ETV6: variants seen among roughly 807,000 people sequenced by gnomAD.
The protein encoded by ETV6 is ETS variant transcription factor 6, also known as transcription factor ETV6.
Under a neutral mutation model 51.1 loss-of-function variants are expected in ETV6, and 16 were observed. The ratio of observed to expected loss-of-function variants is 0.31; its 90% CI spans 0.21 to 0.48. The LOEUF is 0.48. Ranked by LOEUF, ETV6 falls within the 20% of genes least tolerant of loss-of-function variation. The pLI is 0.99. For synonymous variants in ETV6, 240 were observed against 224.1 expected (o/e 1.07, Z -0.64); for missense variants, 458 against 594.8 (o/e 0.77, Z 2.39).
intron 5 of ETV6, among the ~76,000 whole-genome samples, chr12:11,883,723 T>C (rs2136592180): frequency 6.6e-6 from 1 of 152,372 alleles, no homozygotes; most frequent in East Asian, 1.9e-4. Flanking sequence ...ACATCAGTTC[T>C]GCAAGTGGAG....
rs927002978 is a variant in ETV6 at position 11,809,812 on chromosome 12, C to CTT, written c.164-29303_164-29302dup. Among the ~76,000 whole-genome samples the CTT allele has an allele frequency of 1.4e-3, 118 of 81,794 alleles. 11 individuals are homozygous for CTT. The highest frequency in any genetic ancestry group is 3.9e-3 in the East Asian group (10 of 2,584). 53.7% of individuals were successfully genotyped at this position (81,794 alleles called of 152,430 possible). On this transcript the variant is annotated intron_variant, in intron 2 of 7. Transcript: ENST00000396373. ...AAATGGGGAGGGAATAGAGCTTCTG[C>CTT]TTTTTTTTTTTTTTTTTTTTTTTTT... is the stretch of plus-strand genomic sequence containing the variant.
At chr12:11,859,807 C>T (rs977697997) in intron 4 of ETV6, among the ~76,000 whole-genome samples, 7 of 152,148 alleles carry the variant, frequency 4.6e-5, no homozygotes, top group African/African-American at 1.2e-4. Context: ...GAGATGAGAA[C>T]GCCAAAGCAG....
In ETV6 at chr12:11,892,373, TTTTC is replaced by T. The variant is rs1947308677; in HGVS notation, c.*1336_*1339del. ...CAGGAAATTCCTCGGATACATTATT[TTTTC>T]TTTCTTTCATAGCTGTGTCTCAGAA... is the stretch of plus-strand genomic sequence containing the variant. On this transcript the variant is annotated 3_prime_UTR_variant, in exon 8 of 8. Transcript: ENST00000396373. 8.6e-6 allele frequency: 2 copies of T among 233,192 alleles called. No homozygotes were observed. The highest frequency in any genetic ancestry group is 2.2e-5 in the African/African-American group (1 of 45,412). 14.4% of individuals were successfully genotyped at this position (233,192 alleles called of 1,614,324 possible).
rs199720699 is a variant in ETV6, at chr12:11,762,380, C to T, written c.163+9801C>T. Among the ~76,000 whole-genome samples, 41 of 152,320 alleles carry T rather than the reference C, an allele frequency of 2.7e-4. 1 individual carries two copies. In the East Asian group the frequency reaches 5.6e-3, roughly 21 times the overall value. ...CGGCAATCCCCTCTGCAACTCAAGG[C>T]GTGTTTGCCTTTCCTGTAACCTGTA... On this transcript the variant is annotated intron_variant, in intron 2 of 7. Coordinates refer to ENST00000396373, the MANE Select transcript of ETV6 (RefSeq NM_001987.5).
chr12:11,709,300 G>A (rs372767147), intron 1 of ETV6, among the ~76,000 whole-genome samples: 6 of 151,908 alleles, frequency 3.9e-5, no homozygotes, highest in Non-Finnish European at 7.4e-5. Flanking sequence ...ATTTTATTCC[G>A]TTCCTTTTTT....
chr12:11,838,444 C>G lies in ETV6; in HGVS notation c.164-696C>G, dbSNP rs537097589. Among the ~76,000 whole-genome samples, 41 of 152,270 alleles carry G rather than the reference C, an allele frequency of 2.7e-4. No individual in the cohort carries two copies. In the South Asian group the frequency reaches 8.5e-3, roughly 32 times the overall value. On this transcript the variant is annotated intron_variant, in intron 2 of 7. Transcript: ENST00000396373. ...TACCCCCCTCCTGCCCACTTGGTTC[C>G]TACTCAGAGTTCAAGTACCACCCCA... is the stretch of plus-strand genomic sequence containing the variant.
chr12:11,846,553 CT>C lies in ETV6; in HGVS notation c.329-6873del, dbSNP rs1946467187. Among the ~76,000 whole-genome samples the C allele has an allele frequency of 2.0e-5, 3 of 152,176 alleles. No individual in the cohort carries two copies. In the South Asian group the frequency reaches 6.2e-4, roughly 32 times the overall value. On this transcript the variant is annotated intron_variant, in intron 3 of 7. Coordinates refer to ENST00000396373, the MANE Select transcript of ETV6 (RefSeq NM_001987.5). Reference sequence around the variant, plus strand: ...CGTTTAAACTAATCATACACTTTCACTGATAATTCTATTCCTAAGCAAATAG... The same window carrying C: ...CGTTTAAACTAATCATACACTTTCACGATAATTCTATTCCTAAGCAAATAG...
intron 1 of ETV6, among the ~76,000 whole-genome samples, chr12:11,677,364 G>C (rs1216911040): frequency 6.6e-6 from 1 of 152,150 alleles, no homozygotes; most frequent in Non-Finnish European, 1.5e-5. Flanking sequence ...CTGACTAAGA[G>C]AACATAGATA....
intron 1 of ETV6, among the ~76,000 whole-genome samples, chr12:11,666,076 G>A (rs542103891): frequency 6.8e-4 from 104 of 152,310 alleles, no homozygotes; most frequent in African/African-American, 2.4e-3. Flanking sequence ...CTTGGCCATA[G>A]CTGGCTGTGG....
intron 1 of ETV6, 85 bp from the exon 2 acceptor site, chr12:11,752,365 C>T (rs1866047385): frequency 2.0e-6 from 3 of 1,487,538 alleles, no homozygotes; most frequent in Admixed American, 1.8e-5. Flanking sequence ...CCTTTTGCTC[C>T]CCACCCCGAG....
intron 2 of ETV6, among the ~76,000 whole-genome samples, chr12:11,762,775 A>T (rs1045909269): frequency 6.6e-6 from 1 of 152,194 alleles, no homozygotes; most frequent in Admixed American, 6.5e-5. Context: ...ACTCATTGCC[A>T]TGGGCTGTGA....
intron 1 of ETV6, among the ~76,000 whole-genome samples, chr12:11,735,706 TTCTCG>T (rs1222352515): frequency 6.6e-6 from 1 of 152,188 alleles, no homozygotes; most frequent in Non-Finnish European, 1.5e-5. Context: ...GTTCAAGCGA[TTCTCG>T]TCTCAGCCTC....
chr12:11,752,691 T>C, intron 2 of ETV6, 112 bp downstream of exon 2: 1 of 1,342,178 alleles, frequency 7.5e-7, no homozygotes, highest in Non-Finnish European at 1.0e-6. Flanking sequence ...TTCACAGGAC[T>C]TCGCCACGCT....
At position 11,773,686 on chromosome 12, in the gene ETV6, G is replaced by A. The variant is rs898269412; in HGVS notation, c.163+21107G>A. On this transcript the variant is annotated intron_variant, in intron 2 of 7. Coordinates refer to ENST00000396373, the MANE Select transcript of ETV6 (RefSeq NM_001987.5). ...ACTTTCAGAAATAAGCAGGGTTCTGGTAGGAAAATGAAGGCAGTTGAGGAA... is the reference window on the plus strand; with the variant it reads ...ACTTTCAGAAATAAGCAGGGTTCTGATAGGAAAATGAAGGCAGTTGAGGAA... 5.3e-5 allele frequency among the ~76,000 whole-genome samples: 8 copies of A among 152,326 alleles called. No individual in the cohort carries two copies. In the East Asian group the frequency reaches 5.8e-4, roughly 11 times the overall value.
chr12:11,773,003 G>A (rs1335632220), intron 2 of ETV6, among the ~76,000 whole-genome samples: 2 of 151,966 alleles, frequency 1.3e-5, no homozygotes, highest in African/African-American at 4.8e-5. Context: ...GACCATCCTG[G>A]CTAACATGGT....
At chr12:11,807,176 C>G (rs762815075) in intron 2 of ETV6, among the ~76,000 whole-genome samples, 1 of 152,226 alleles carries the variant, frequency 6.6e-6, no homozygotes, top group Admixed American at 6.5e-5. Flanking sequence ...TCGGATGTAA[C>G]TACATTGCTT....
At chr12:11,695,299 G>A (rs1402227639) in intron 1 of ETV6, among the ~76,000 whole-genome samples, 1 of 152,188 alleles carries the variant, frequency 6.6e-6, no homozygotes, top group African/African-American at 2.4e-5. Context: ...GAATGGCATG[G>A]AGAAAGTTGG....
chr12:11,740,707 A>AT (rs1865791794), intron 1 of ETV6, among the ~76,000 whole-genome samples: 3 of 152,152 alleles, frequency 2.0e-5, no homozygotes, highest in Admixed American at 2.0e-4. Context: ...TTAAAAAAAA[A>AT]TTTATTAAGG....
At chr12:11,677,939 G>T (rs11054413) in intron 1 of ETV6, among the ~76,000 whole-genome samples, 8,410 of 152,190 alleles carry the variant, frequency 0.055, 472 homozygotes, top group East Asian at 0.14. Flanking sequence ...GCTTCCCCTC[G>T]TGCAGTTCTC....
Sources: gnomAD v4.1 joint callset for allele counts (sites outside exome capture counted in the v4.1 genomes callset) on GRCh38, gnomAD v4.1.1 for gene constraint, MANE v1.5 for transcripts, NCBI Gene and HGNC (gene_info 2026-07-23, HGNC 2026-07-21) for gene names.